The following NETO2 variants were observed in gnomAD, a reference collection of about 807,000 sequenced individuals.
NETO2 encodes the protein neuropilin and tolloid-like protein 2.
A neutral mutation model predicts 62.5 loss-of-function variants in NETO2; 28 were observed. The observed-to-expected ratio is 0.45, with a 90% CI of 0.33 to 0.61. The LOEUF (loss-of-function observed/expected upper bound fraction) is 0.61. NETO2 is among the 20% of genes least tolerant of loss of function. The pLI is 0.02. For missense variants in NETO2, 548 were observed against 643.2 expected (o/e 0.85, Z 1.60); for synonymous variants, 214 against 219.1 (o/e 0.98, Z 0.21).
Position 47,083,486 on chromosome 16 carries a change from T to G in NETO2, c.1313A>C (p.His438Pro). 2 of 1,614,160 alleles carry G rather than the reference T, an allele frequency of 1.2e-6. No homozygotes were observed. Among genetic ancestry groups the G allele is most frequent in the South Asian group, 1.1e-5 (1 of 91,084 alleles). The change falls in exon 9 of 9, where the codon CAC (histidine) becomes CCC (proline). Residue 438 changes from histidine to proline, a missense_variant. Physicochemically the swap from His to Pro is moderately conservative, Grantham distance 77. Coordinates refer to ENST00000562435, the MANE Select transcript of NETO2 (RefSeq NM_018092.5). ...GCTGGAGGCCTGCGACCCACAGTGG[T>G]GGTCGTGGATGCAGCGGGAGGCGGT... The part of the protein sequence containing the change: ...SSTASRCIHD[H>P]HCGSQASSVK...
At chr16:47,103,497 C>T (rs1398392874) in intron 7 of NETO2, among the ~76,000 whole-genome samples, 1 of 152,054 alleles carries the variant, frequency 6.6e-6, no homozygotes, top group African/African-American at 2.4e-5. Context: ...AGAACAAACA[C>T]TACTTACTCA....
At chr16:47,085,831 C>T (rs746732262) in intron 8 of NETO2, among the ~76,000 whole-genome samples, 6 of 151,712 alleles carry the variant, frequency 4.0e-5, no homozygotes, top group Non-Finnish European at 7.4e-5. Context: ...CTAGGCTGGG[C>T]GCGGTGGCTC....
chr16:47,102,812 G>A (rs1398015899), intron 7 of NETO2, among the ~76,000 whole-genome samples: 2 of 152,150 alleles, frequency 1.3e-5, no homozygotes, highest in African/African-American at 4.8e-5. Context: ...GAGAGGATGT[G>A]GATAAACAGG....
intron 1 of NETO2, among the ~76,000 whole-genome samples, chr16:47,136,122 C>T (rs1964357905): frequency 6.6e-6 from 1 of 152,062 alleles, no homozygotes; most frequent in South Asian, 2.1e-4. Flanking sequence ...ATCTTGAAGA[C>T]TTTGTTATAC....
intron 6 of NETO2, 107 bp downstream of exon 6, chr16:47,122,550 T>C: frequency 8.4e-7 from 1 of 1,196,550 alleles, no homozygotes; most frequent in Non-Finnish European, 1.2e-6. Flanking sequence ...AGTTGCAGTA[T>C]CAGTTTATGT....
intron 3 of NETO2, 121 bp downstream of exon 3, chr16:47,129,103 C>G: frequency 1.1e-6 from 1 of 886,498 alleles, no homozygotes; most frequent in Non-Finnish European, 1.8e-6. Context: ...ATCATTACTA[C>G]AGTTTAATTC....
In NETO2 at chr16:47,083,638, G is replaced by A. The variant is rs771545207; in HGVS notation, c.1161C>T (p.Thr387=). 7 of 1,614,118 alleles carry A rather than the reference G, an allele frequency of 4.3e-6. No individual in the cohort carries two copies. Among genetic ancestry groups the A allele is most frequent in the African/African-American group, 1.3e-5 (1 of 75,010 alleles). The part of the protein sequence containing the change: ...VMACKTAFNK[T]GFQEVFDPPH... ...GAGGATCAAACACTTCTTGGAACCCGGTTTTATTAAAAGCGGTTTTGCAAG... is the reference window on the plus strand; with the variant it reads ...GAGGATCAAACACTTCTTGGAACCCAGTTTTATTAAAAGCGGTTTTGCAAG... Residue 387 remains threonine, a synonymous_variant, in exon 9 of 9, where the codon ACC becomes ACT. Coordinates refer to ENST00000562435, the MANE Select transcript of NETO2 (RefSeq NM_018092.5).
chr16:47,085,731 T>C (rs931429599), intron 8 of NETO2, among the ~76,000 whole-genome samples: 1 of 152,120 alleles, frequency 6.6e-6, no homozygotes, highest in Non-Finnish European at 1.5e-5. Context: ...AAAAATGCTT[T>C]TGTTTAGAGT....
At chr16:47,119,205 G>C (rs1026667159) in intron 6 of NETO2, among the ~76,000 whole-genome samples, 1 of 148,668 alleles carries the variant, frequency 6.7e-6, no homozygotes, top group African/African-American at 2.5e-5. Flanking sequence ...AGGCTGGAGT[G>C]CAGTGGCGTG....
chr16:47,095,751 A>G (rs1400067897), intron 7 of NETO2, among the ~76,000 whole-genome samples: 2 of 152,160 alleles, frequency 1.3e-5, no homozygotes, highest in African/African-American at 4.8e-5. Context: ...TAAAGGATAG[A>G]ATGACCAGGC....
intron 2 of NETO2, among the ~76,000 whole-genome samples, chr16:47,130,028 C>A (rs1473311013): frequency 6.6e-6 from 1 of 152,150 alleles, no homozygotes; most frequent in African/African-American, 2.4e-5. Flanking sequence ...CTCCACAAAT[C>A]TAGCAGCTCT....
chr16:47,088,566 TA>T (rs1963246746), intron 7 of NETO2, among the ~76,000 whole-genome samples: 1 of 152,246 alleles, frequency 6.6e-6, no homozygotes, highest in African/African-American at 2.4e-5. Context: ...AAATATTTTT[TA>T]TACTGTTTTC....
chr16:47,130,640 C>G (rs976933651), intron 2 of NETO2, among the ~76,000 whole-genome samples: 3 of 151,780 alleles, frequency 2.0e-5, no homozygotes, highest in African/African-American at 7.3e-5. Flanking sequence ...AAAACAGAAC[C>G]AAAAAAGCTT....
chr16:47,092,764 C>T (rs1272586183), intron 7 of NETO2, among the ~76,000 whole-genome samples: 1 of 152,226 alleles, frequency 6.6e-6, no homozygotes, highest in Non-Finnish European at 1.5e-5. Context: ...GTGAAGGAAG[C>T]AGCAGCAGCA....
At chr16:47,142,541 G>A (rs1489397840) in intron 1 of NETO2, among the ~76,000 whole-genome samples, 5 of 152,134 alleles carry the variant, frequency 3.3e-5, no homozygotes, top group Admixed American at 6.6e-5. Context: ...ACATAACACC[G>A]TTAATAATGC....
At chr16:47,112,356 T>C (rs957442859) in intron 6 of NETO2, among the ~76,000 whole-genome samples, 1 of 152,138 alleles carries the variant, frequency 6.6e-6, no homozygotes, top group Non-Finnish European at 1.5e-5. Context: ...TACACTTTTT[T>C]GTTTGTTTGT....
chr16:47,125,351 T>C (rs1480131941), intron 4 of NETO2, among the ~76,000 whole-genome samples: 3 of 150,028 alleles, frequency 2.0e-5, no homozygotes, highest in African/African-American at 7.3e-5. Flanking sequence ...AGCTACTAGT[T>C]TTTTTTTTTT....
At chr16:47,084,168 C>G (rs187054948) in intron 8 of NETO2, among the ~76,000 whole-genome samples, 44 of 152,298 alleles carry the variant, frequency 2.9e-4, no homozygotes, top group African/African-American at 8.9e-4. Flanking sequence ...CTGCTGTGTT[C>G]AGGTATACCC....
chr16:47,109,387 CTAAAA>C, intron 7 of NETO2, 91 bp downstream of exon 7: 1 of 665,482 alleles, frequency 1.5e-6, no homozygotes, highest in East Asian at 3.1e-5. Context: ...AAAAAACATC[CTAAAA>C]TAAATATTTT....
Sources: gnomAD v4.1 joint callset for allele counts (sites outside exome capture counted in the v4.1 genomes callset) on GRCh38, gnomAD v4.1.1 for gene constraint, MANE v1.5 for transcripts, NCBI Gene and HGNC (gene_info 2026-07-23, HGNC 2026-07-21) for gene names.